PRDM15: variants seen among roughly 807,000 people sequenced by gnomAD.
PRDM15 encodes the protein PR domain zinc finger protein 15.
Under a neutral mutation model 128.6 loss-of-function variants are expected in PRDM15, and 64 were observed. The observed-to-expected ratio is 0.50, with a 90% confidence interval of 0.41 to 0.61. The LOEUF (loss-of-function observed/expected upper bound fraction) is 0.61. PRDM15 is among the 20% of genes least tolerant of loss of function. The probability of loss-of-function intolerance (pLI) is 0.00; values close to 1 mark genes in which losing one functional copy is unlikely to be tolerated. For synonymous variants in PRDM15, 615 were observed against 621.8 expected (o/e 0.99, Z 0.16); for missense variants, 1,242 against 1,569.1 (o/e 0.79, Z 3.52).
chr21:41,801,503 G>A lies in PRDM15; in HGVS notation c.3163C>T (p.His1055Tyr), dbSNP rs745633894. 4 of 1,614,230 alleles carry A rather than the reference G, an allele frequency of 2.5e-6. No individual in the cohort carries two copies. The highest frequency in any genetic ancestry group is 3.4e-6 in the Non-Finnish European group (4 of 1,180,034). Residue 1055 changes from histidine to tyrosine, a missense_variant, in exon 24 of 24, where the codon CAC (histidine) becomes TAC (tyrosine). Physicochemically the swap from His to Tyr is moderately conservative, Grantham distance 83 (BLOSUM62 2). Around this residue, in one of 3 missense-constraint regions of PRDM15, gnomAD observed 602 missense variants for 788.3 expected, o/e 0.76. Transcript: ENST00000398548. ...FDTVSGSAML[H>Y]NRQNDVQIHP... is the part of the protein sequence containing the mutation. Reference sequence around the variant, plus strand: ...ATCTGGACGTCATTTTGGCGGTTGTGCAACATGGCAGAGCCGCTGACGGTA... The same window carrying A: ...ATCTGGACGTCATTTTGGCGGTTGTACAACATGGCAGAGCCGCTGACGGTA...
chr21:41,876,173 C>T (rs1479333454), intron 1 of PRDM15, among the ~76,000 whole-genome samples: 1 of 152,212 alleles, frequency 6.6e-6, no homozygotes, highest in Non-Finnish European at 1.5e-5. Context: ...AGTGTGACTA[C>T]AATTGGAACA....
At chr21:41,840,442 C>CAA (rs35052917) in intron 6 of PRDM15, among the ~76,000 whole-genome samples, 8 of 91,128 alleles carry the variant, frequency 8.8e-5, no homozygotes, top group Admixed American at 1.2e-4. Flanking sequence ...AAGACTGTCT[C>CAA]AAAAAAAAAA....
chr21:41,850,150 C>T (rs1037336316), intron 5 of PRDM15, among the ~76,000 whole-genome samples: 5 of 152,184 alleles, frequency 3.3e-5, no homozygotes, highest in African/African-American at 4.8e-5. Context: ...AGAAATGGGA[C>T]TCTGGCTCTG....
At chr21:41,840,310 G>A (rs2063034459) in intron 6 of PRDM15, among the ~76,000 whole-genome samples, 2 of 152,064 alleles carry the variant, frequency 1.3e-5, no homozygotes, top group South Asian at 4.1e-4. Context: ...GCCGGGTGTG[G>A]TGGTGTGTGC....
At position 41,804,607 on chromosome 21, in the gene PRDM15, G is replaced by A. The variant is rs778474869; in HGVS notation, c.2660C>T (p.Ala887Val). 4 of 1,561,776 alleles carry A rather than the reference G, an allele frequency of 2.6e-6. No individual in the cohort carries two copies. Among genetic ancestry groups the A allele is most frequent in the East Asian group, 2.3e-5 (1 of 42,672 alleles). ...HMRRKHPEVL[A>V]VRIDDLDHLP... ...GTGGTCCAGGTCATCGATCCTCACC[G>A]CGAGCACCTATGAGGAGCACAGGGC... Residue 887 changes from alanine (A) to valine (V), a missense_variant, in exon 22 of 24, where the codon GCG becomes GTG. This residue lies in a region of PRDM15 where 602 missense variants were observed against 788.3 expected (regional missense o/e 0.76). Coordinates refer to ENST00000398548, the MANE Select transcript of PRDM15 (RefSeq NM_001040424.3).
chr21:41,865,822 A>G (rs755787375), intron 1 of PRDM15, among the ~76,000 whole-genome samples: 3 of 152,100 alleles, frequency 2.0e-5, no homozygotes, highest in East Asian at 1.9e-4. Flanking sequence ...ACAGCTCACT[A>G]TAGCCTCAAA....
chr21:41,813,976 G>A (rs1426432811), intron 19 of PRDM15: 1 of 144,374 alleles, frequency 6.9e-6, no homozygotes, highest in Non-Finnish European at 1.5e-5. Flanking sequence ...AGTGTTTTAT[G>A]AGAACGACTT....
In PRDM15 at chr21:41,800,938, C is replaced by T. The variant is rs1601711747; in HGVS notation, c.*302G>A. 1 of 339,230 alleles carries T rather than the reference C, an allele frequency of 2.9e-6. No individual in the cohort carries two copies. The highest frequency in any genetic ancestry group is 5.3e-6 in the Non-Finnish European group (1 of 188,064). 21.0% of individuals were successfully genotyped at this position (339,230 alleles called of 1,614,324 possible). On this transcript the variant is annotated 3_prime_UTR_variant, in exon 24 of 24. Coordinates refer to ENST00000398548, the MANE Select transcript of PRDM15 (RefSeq NM_001040424.3). ...AGCTTCACTTTCCCGAACCCTGTGT[C>T]GGGCGAACACTGGTTCTGTAAGGGG... is the stretch of plus-strand genomic sequence containing the variant.
chr21:41,855,803 C>A (rs1389357731), intron 4 of PRDM15, among the ~76,000 whole-genome samples: 1 of 152,238 alleles, frequency 6.6e-6, no homozygotes, highest in African/African-American at 2.4e-5. Context: ...CGGATGGGTG[C>A]TGCAAAGGAC....
intron 21 of PRDM15, among the ~76,000 whole-genome samples, chr21:41,805,988 TCACCAC>T (rs771551606): frequency 4.7e-5 from 2 of 42,848 alleles, no homozygotes; most frequent in African/African-American, 1.8e-4. Context: ...ATCACCACTA[TCACCAC>T]CACCACCACC....
intron 21 of PRDM15, among the ~76,000 whole-genome samples, chr21:41,809,151 C>T (rs958209114): frequency 2.6e-5 from 4 of 152,146 alleles, no homozygotes; most frequent in Admixed American, 2.6e-4. Context: ...GTGCGCTTCG[C>T]GTGTTTCTCA....
intron 21 of PRDM15, 91 bp from the exon 22 acceptor site, chr21:41,804,705 AC>A: frequency 1.1e-6 from 1 of 910,992 alleles, no homozygotes; most frequent in Non-Finnish European, 1.6e-6. Flanking sequence ...GACCACCTCC[AC>A]CACTCCTGCC....
At chr21:41,865,359 C>T (rs996640909) in intron 1 of PRDM15, among the ~76,000 whole-genome samples, 2 of 152,222 alleles carry the variant, frequency 1.3e-5, no homozygotes, top group Non-Finnish European at 2.9e-5. Flanking sequence ...TGACTGATCT[C>T]ATGTCTCTCC....
At chr21:41,860,118 T>C (rs780948949) in intron 2 of PRDM15, among the ~76,000 whole-genome samples, 3 of 152,242 alleles carry the variant, frequency 2.0e-5, no homozygotes, top group Non-Finnish European at 4.4e-5. Flanking sequence ...CCAGGAGTTC[T>C]GAGAAAGGTG....
At chr21:41,839,915 C>T (rs1008808786) in intron 6 of PRDM15, 62 bp from the exon 7 acceptor site, 2 of 1,397,422 alleles carry the variant, frequency 1.4e-6, no homozygotes, top group African/African-American at 1.4e-5. Flanking sequence ...CACACCCACC[C>T]TGGCCTCTGG....
chr21:41,820,018 C>G, intron 17 of PRDM15, 77 bp downstream of exon 17: 1 of 1,231,740 alleles, frequency 8.1e-7, no homozygotes, highest in South Asian at 1.2e-5. Flanking sequence ...GTGTAGAATA[C>G]GCGGAGACCC....
intron 1 of PRDM15, chr21:41,861,488 A>G: frequency 7.7e-7 from 1 of 1,294,380 alleles, no homozygotes; most frequent in Non-Finnish European, 1.1e-6. Context: ...AGGAGCATAA[A>G]GTGAGATACA....
chr21:41,837,086 G>C (rs75277413), intron 8 of PRDM15, among the ~76,000 whole-genome samples: 4,858 of 152,244 alleles, frequency 0.032, 240 homozygotes, highest in African/African-American at 0.11. Flanking sequence ...ATAAGATAAA[G>C]TATAAATAAA....
Position 41,879,058 on chromosome 21 carries a change from G to A in PRDM15, c.-10+212C>T, listed in dbSNP as rs1349718881. On this transcript the variant is annotated intron_variant, in intron 1 of 23. Transcript: ENST00000398548. This position sits in a 1 kb window ranked among gnomAD's most constrained non-coding sequence, Gnocchi z 5.1. The stretch of plus-strand genomic sequence containing the variant: ...GCTCCGGGAAATCCAGCCGGGTTTT[G>A]ACTCCGATCGCCAACGGTGCCCGCA... 2 of 1,133,610 alleles carry A rather than the reference G, an allele frequency of 1.8e-6. No homozygotes were observed. Among genetic ancestry groups the A allele is most frequent in the Non-Finnish European group, 2.2e-6 (2 of 899,036 alleles). The allele number at this position is 1,133,610 out of a possible 1,614,324, so 70.2% of individuals were successfully genotyped here.
Sources: gnomAD v4.1 joint callset for allele counts (sites outside exome capture counted in the v4.1 genomes callset) on GRCh38, gnomAD v4.1.1 for gene constraint, gnomAD v4.1.1 regional missense constraint, Gnocchi (gnomAD v3.1) non-coding constraint, MANE v1.5 for transcripts, NCBI Gene and HGNC (gene_info 2026-07-23, HGNC 2026-07-21) for gene names.